MKX: variants seen among roughly 807,000 people sequenced by gnomAD.
MKX encodes mohawk homeobox, also known as homeobox protein Mohawk.
Under a neutral mutation model 36.0 loss-of-function variants are expected in MKX, and 13 were observed. The observed-to-expected ratio is 0.36, with a 90% CI of 0.24 to 0.57. MKX has a LOEUF of 0.57. Among genes scored for constraint, MKX ranks in the 20% least tolerant of loss-of-function variants. The pLI, the probability that MKX is intolerant of heterozygous loss-of-function variation, is 0.79. For missense variants in MKX, 458 were observed against 456.4 expected, an observed-to-expected ratio of 1.00 and a Z score of -0.03; for synonymous variants, 176 against 178.3, an observed-to-expected ratio of 0.99 and a Z score of 0.10.
intron 5 of MKX, among the ~76,000 whole-genome samples, chr10:27,690,789 C>G (rs1241256954): frequency 6.6e-6 from 1 of 152,142 alleles, no homozygotes; most frequent in Non-Finnish European, 1.5e-5. Flanking sequence ...TGGGTCTCTC[C>G]TGTCATACCT....
In MKX at chr10:27,741,354, C is replaced by G; in HGVS notation, c.339G>C (p.Thr113=). The G allele has an allele frequency of 6.2e-7, 1 of 1,612,794 alleles. No homozygotes were observed. The highest frequency in any genetic ancestry group is 8.5e-7 in the Non-Finnish European group (1 of 1,179,530). ...KILLALGSQM[T]LVQVSNWFAN... ...AATGGGTCCTGATTACCTGCACTAG[C>G]GTCATCTGCGAGCCGAGGGCCAAGA... The change falls in exon 3 of 7, where the codon ACG becomes ACC. Residue 113 remains threonine (T), a synonymous_variant. Coordinates refer to ENST00000419761, the MANE Select transcript of MKX (RefSeq NM_173576.3). The surrounding 1 kb of genome is among the most constrained non-coding windows in gnomAD (Gnocchi z 5.1).
chr10:27,733,485 T>C (rs1834679377), intron 5 of MKX, among the ~76,000 whole-genome samples: 1 of 152,236 alleles, frequency 6.6e-6, no homozygotes, highest in South Asian at 2.1e-4. Context: ...GTGATTATAG[T>C]AGTGATGTTC....
intron 5 of MKX, among the ~76,000 whole-genome samples, chr10:27,731,262 G>C (rs1292618660): frequency 1.3e-5 from 2 of 152,080 alleles, no homozygotes; most frequent in Non-Finnish European, 2.9e-5. Context: ...TAGCACTGGG[G>C]GAGGGGGTGT....
chr10:27,708,053 G>A (rs948971797), intron 5 of MKX, among the ~76,000 whole-genome samples: 1 of 152,038 alleles, frequency 6.6e-6, no homozygotes, highest in Non-Finnish European at 1.5e-5. Flanking sequence ...TCTAAATAAC[G>A]TTCTTCTACA....
intron 1 of MKX, 153 bp from the exon 2 acceptor site, chr10:27,743,650 A>G: frequency 3.9e-6 from 2 of 510,642 alleles, no homozygotes; most frequent in South Asian, 5.7e-5. Context: ...GGCTCTCCCC[A>G]GTTGGCTACA....
At chr10:27,713,268 G>A (rs1836904887) in intron 5 of MKX, among the ~76,000 whole-genome samples, 1 of 152,168 alleles carries the variant, frequency 6.6e-6, no homozygotes, top group Non-Finnish European at 1.5e-5. Context: ...AGATCAAAAG[G>A]ATCAGAGATA....
At chr10:27,681,011 G>A (rs7893544) in intron 5 of MKX, among the ~76,000 whole-genome samples, 37 of 152,156 alleles carry the variant, frequency 2.4e-4, no homozygotes, top group African/African-American at 8.7e-4. Context: ...GCCACCTAAC[G>A]ATAATTCGGT....
chr10:27,711,499 T>TCTCTTCCTTCCTTCCTTCC (rs1554772224), intron 5 of MKX, among the ~76,000 whole-genome samples: 4 of 93,032 alleles, frequency 4.3e-5, no homozygotes, highest in South Asian at 4.4e-4. Context: ...CTCTCTCTTC[T>TCTCTTCCTTCCTTCCTTCC]TTCCTTCCTT....
rs151140216 is a variant in MKX, at chr10:27,735,329, C to T, written c.394G>A (p.Val132Ile). 7.3e-5 allele frequency: 118 copies of T among 1,613,658 alleles called. No homozygotes were observed. Among genetic ancestry groups the T allele is most frequent in the South Asian group, 2.5e-4 (23 of 91,030 alleles). ...GCCCAGCTTAAATCTGGCTGTCGAACGGTATTCTTAAGCCGACGTCTTGCA... is the reference window on the plus strand; with the variant it reads ...GCCCAGCTTAAATCTGGCTGTCGAATGGTATTCTTAAGCCGACGTCTTGCA... The part of the protein sequence containing the change: ...ANARRRLKNT[V>I]RQPDLSWALR... The change falls in exon 4 of 7, where the codon GTT (valine) becomes ATT (isoleucine). Residue 132 changes from valine to isoleucine, a missense_variant. By Grantham distance (29) the Val-to-Ile change is conservative. This residue lies in a region of MKX where 297 missense variants were observed against 304.4 expected (regional missense o/e 0.98). Coordinates refer to ENST00000419761, the MANE Select transcript of MKX (RefSeq NM_173576.3).
intron 5 of MKX, among the ~76,000 whole-genome samples, chr10:27,720,980 C>A (rs1344438816): frequency 1.3e-5 from 2 of 152,028 alleles, no homozygotes; most frequent in Admixed American, 1.3e-4. Context: ...ACAATAAGAA[C>A]AACAAATAAA....
chr10:27,677,852 G>A (rs997321001), intron 5 of MKX, among the ~76,000 whole-genome samples: 1 of 152,190 alleles, frequency 6.6e-6, no homozygotes, highest in Non-Finnish European at 1.5e-5. Flanking sequence ...ATCCTTTGGG[G>A]GAAATAATTG....
At chr10:27,713,328 T>A (rs887187123) in intron 5 of MKX, among the ~76,000 whole-genome samples, 2 of 152,196 alleles carry the variant, frequency 1.3e-5, no homozygotes, top group Non-Finnish European at 2.9e-5. Context: ...TTTGTGTGGG[T>A]TTAAGGGGGT....
intron 5 of MKX, among the ~76,000 whole-genome samples, chr10:27,702,219 G>T (rs940748580): frequency 1.3e-5 from 2 of 152,178 alleles, no homozygotes; most frequent in Non-Finnish European, 2.9e-5. Flanking sequence ...AAGGGAAAAG[G>T]CTGCTGCTGG....
intron 5 of MKX, among the ~76,000 whole-genome samples, chr10:27,707,823 G>T (rs533213071): frequency 1.6e-4 from 25 of 152,260 alleles, no homozygotes; most frequent in Admixed American, 1.6e-3. Context: ...GTTTTTAAGG[G>T]AATTTTATTT....
At chr10:27,718,307 T>C (rs1358764688) in intron 5 of MKX, among the ~76,000 whole-genome samples, 1 of 152,210 alleles carries the variant, frequency 6.6e-6, no homozygotes, top group Non-Finnish European at 1.5e-5. Context: ...AATTTAAATA[T>C]GTACTTTATT....
intron 5 of MKX, among the ~76,000 whole-genome samples, chr10:27,723,418 A>G (rs1216722105): frequency 6.6e-6 from 1 of 152,206 alleles, no homozygotes; most frequent in Non-Finnish European, 1.5e-5. Context: ...CTAGGAGAAG[A>G]AAATATGGCA....
intron 5 of MKX, among the ~76,000 whole-genome samples, chr10:27,715,297 A>C (rs1019870649): frequency 6.6e-6 from 1 of 152,200 alleles, no homozygotes; most frequent in African/African-American, 2.4e-5. Context: ...TAAGACCAAA[A>C]TGCCACCGGC....
chr10:27,709,478 T>C (rs1836815758), intron 5 of MKX, among the ~76,000 whole-genome samples: 1 of 152,090 alleles, frequency 6.6e-6, no homozygotes, highest in African/African-American at 2.4e-5. Context: ...TACTGTAGGG[T>C]AGTCAACATT....
intron 5 of MKX, among the ~76,000 whole-genome samples, chr10:27,707,030 A>G (rs1172507968): frequency 6.6e-6 from 1 of 152,232 alleles, no homozygotes; most frequent in Non-Finnish European, 1.5e-5. Flanking sequence ...CACAGAAGAA[A>G]GGATTCTCAA....
Sources: allele counts gnomAD v4.1 joint callset (sites outside exome capture counted in the v4.1 genomes callset), GRCh38; gene constraint gnomAD v4.1.1; regional missense constraint gnomAD v4.1.1; non-coding constraint Gnocchi (gnomAD v3.1); transcripts MANE v1.5; gene names NCBI Gene and HGNC (gene_info 2026-07-23, HGNC 2026-07-21).